CXCL1: variants seen among roughly 807,000 people sequenced by gnomAD.
CXCL1 encodes the protein growth-regulated alpha protein.
A neutral mutation model predicts 11.7 loss-of-function variants in CXCL1; 9 were observed. The observed-to-expected ratio is 0.77, with a 90% CI of 0.46 to 1.34. CXCL1 has a LOEUF of 1.34. Among genes scored for constraint, CXCL1 ranks in the 40% most tolerant of loss-of-function variants. The pLI is 0.00. For synonymous variants in CXCL1, 78 were observed against 59.1 expected, an observed-to-expected ratio of 1.32 and a Z score of -1.47; for missense variants, 146 against 138.1, an observed-to-expected ratio of 1.06 and a Z score of -0.29.
Position 73,869,772 on chromosome 4 carries a change from C to G in CXCL1, c.204C>G (p.His68Gln). The G allele has an allele frequency of 6.2e-7, 1 of 1,614,086 alleles. No homozygotes were observed. Among genetic ancestry groups the G allele is most frequent in the East Asian group, 2.2e-5 (1 of 44,868 alleles). The change falls in exon 2 of 4, where the codon CAC (histidine) becomes CAG (glutamine). Residue 68 changes from histidine to glutamine, a missense_variant. Transcript: ENST00000395761. ...QSVNVKSPGP[H>Q]CAQTEVIATL... ...TGAACGTGAAGTCCCCCGGACCCCACTGCGCCCAAACCGAAGTCATGTAAG... is the reference window on the plus strand; with the variant it reads ...TGAACGTGAAGTCCCCCGGACCCCAGTGCGCCCAAACCGAAGTCATGTAAG...
At position 73,871,097 on chromosome 4, in the gene CXCL1, A is replaced by C. The variant is rs1217152898; in HGVS notation, c.*561A>C. The C allele has an allele frequency of 6.5e-6, 1 of 153,262 alleles. No homozygotes were observed. The highest frequency in any genetic ancestry group is 1.5e-5 in the Non-Finnish European group (1 of 68,710). The allele number at this position is 153,262 out of a possible 1,614,324, so 9.5% of individuals were successfully genotyped here. ...AAACTTTAAGAACTAAAATGTTCTA[A>C]ATATCCCTTGGACATTTTATGTCTT... On this transcript the variant is annotated 3_prime_UTR_variant, in exon 4 of 4. Transcript: ENST00000395761.
In CXCL1 at chr4:73,869,761, C is replaced by G; in HGVS notation, c.193C>G (p.Pro65Ala). 6.2e-7 allele frequency: 1 copy of G among 1,614,052 alleles called. No homozygotes were observed. The highest frequency in any genetic ancestry group is 1.1e-5 in the South Asian group (1 of 91,088). Reference protein sequence around the residue: ...KNIQSVNVKSPGPHCAQTEVI... With the variant: ...KNIQSVNVKSAGPHCAQTEVI... ...CATCCAAAGTGTGAACGTGAAGTCC[C>G]CCGGACCCCACTGCGCCCAAACCGA... The change falls in exon 2 of 4, where the codon CCC becomes GCC. Residue 65 changes from proline (P) to alanine (A), a missense_variant. Physicochemically the swap from Pro to Ala is conservative, Grantham distance 27. Coordinates refer to ENST00000395761, the MANE Select transcript of CXCL1 (RefSeq NM_001511.4).
rs201293315 is a variant in CXCL1 at position 73,869,751 on chromosome 4, C to T, written c.183C>T (p.Asn61=). 3 of 1,614,118 alleles carry T rather than the reference C, an allele frequency of 1.9e-6. No individual in the cohort carries two copies. Among genetic ancestry groups the T allele is most frequent in the South Asian group, 2.2e-5 (2 of 91,082 alleles). The change falls in exon 2 of 4, where the codon AAC becomes AAT. Residue 61 remains asparagine (N), a synonymous_variant. Coordinates refer to ENST00000395761, the MANE Select transcript of CXCL1 (RefSeq NM_001511.4). ...ACCCCAAGAACATCCAAAGTGTGAA[C>T]GTGAAGTCCCCCGGACCCCACTGCG... ...GIHPKNIQSV[N]VKSPGPHCAQ... is the part of the protein sequence containing the mutation.
rs1407310554 is a variant in CXCL1, at chr4:73,869,463, T to C, written c.-8T>C. On this transcript the variant is annotated 5_prime_UTR_variant, in exon 1 of 4. Transcript: ENST00000395761. Reference sequence around the variant, plus strand: ...TCTCACAGCCGCCAGACCCGCCTGCTGAGCCCCATGGCCCGCGCTGCTCTC... The same window carrying C: ...TCTCACAGCCGCCAGACCCGCCTGCCGAGCCCCATGGCCCGCGCTGCTCTC... The C allele has an allele frequency of 1.9e-6, 3 of 1,553,986 alleles. No homozygotes were observed. Among genetic ancestry groups the C allele is most frequent in the Non-Finnish European group, 2.6e-6 (3 of 1,151,220 alleles).
chr4:73,870,103 A>C, intron 3 of CXCL1, 114 bp downstream of exon 3: 1 of 1,001,826 alleles, frequency 1.0e-6, no homozygotes, highest in South Asian at 1.5e-5. Flanking sequence ...AGGACTAGAA[A>C]TTGGGATTAT....
In CXCL1 at chr4:73,870,693, TATTC is replaced by T; in HGVS notation, c.*161_*164del. ...AGGAGAAGTCTTCTATTTATTTATT[TATTC>T]ATTAGTTTTGAAGATTCTATGTTAA... On this transcript the variant is annotated 3_prime_UTR_variant, in exon 4 of 4. Transcript: ENST00000395761. 1 of 769,526 alleles carries T rather than the reference TATTC, an allele frequency of 1.3e-6. No homozygotes were observed. Among genetic ancestry groups the T allele is most frequent in the Non-Finnish European group, 2.0e-6 (1 of 490,250 alleles). The allele number at this position is 769,526 out of a possible 1,614,324, so 47.7% of individuals were successfully genotyped here. A position where few individuals can be genotyped will look rare whatever the true frequency, so the allele number is the denominator to read the frequency against.
intron 1 of CXCL1, 46 bp from the exon 2 acceptor site, chr4:73,869,623 C>T (rs755555071): frequency 1.7e-5 from 27 of 1,613,594 alleles, no homozygotes; most frequent in Non-Finnish European, 2.3e-5. Flanking sequence ...GGGTAGGCAC[C>T]CAGCGCCGAC....
At position 73,869,658 on chromosome 4, in the gene CXCL1, T is replaced by C; in HGVS notation, c.101-11T>C. On this transcript the variant is annotated splice_polypyrimidine_tract_variant and intron_variant, in intron 1 of 3. Transcript: ENST00000395761. ...CAGCCTCGCTCAGTCAGTGAGTCTC[T>C]TCTTCCCTAGGAGCGTCCGTGGCCA... 1 of 1,614,128 alleles carries C rather than the reference T, an allele frequency of 6.2e-7. No homozygotes were observed. The highest frequency in any genetic ancestry group is 8.5e-7 in the Non-Finnish European group (1 of 1,180,000).
Position 73,869,783 on chromosome 4 carries a change from C to G in CXCL1, c.215C>G (p.Thr72Ser). ...VKSPGPHCAQTEVIATLKNGR... is the reference protein window; with the variant it reads ...VKSPGPHCAQSEVIATLKNGR... The stretch of plus-strand genomic sequence containing the variant: ...TCCCCCGGACCCCACTGCGCCCAAA[C>G]CGAAGTCATGTAAGTCCCGCCCCGC... The change falls in exon 2 of 4, where the codon ACC (threonine) becomes AGC (serine). Residue 72 changes from threonine (T) to serine (S), a missense_variant. Thr to Ser is a moderately conservative substitution (Grantham distance 58). Coordinates refer to ENST00000395761, the MANE Select transcript of CXCL1 (RefSeq NM_001511.4). 1 of 1,614,050 alleles carries G rather than the reference C, an allele frequency of 6.2e-7. No homozygotes were observed. The highest frequency in any genetic ancestry group is 8.5e-7 in the Non-Finnish European group (1 of 1,179,940).
At chr4:73,869,592 T>A in intron 1 of CXCL1, 22 bp downstream of exon 1, 1 of 1,612,398 alleles carries the variant, frequency 6.2e-7, no homozygotes, top group Non-Finnish European at 8.5e-7. Flanking sequence ...CGCCCTGGGG[T>A]CCCCGGGCCG....
intron 3 of CXCL1, 60 bp downstream of exon 3, chr4:73,870,049 G>A (rs1270205918): frequency 2.0e-6 from 3 of 1,517,492 alleles, no homozygotes; most frequent in Non-Finnish European, 2.7e-6. Context: ...ATACTGGCAT[G>A]TGCCCCCTAA....
chr4:73,870,077 C>G (rs528161039), intron 3 of CXCL1, 88 bp downstream of exon 3: 8 of 1,328,406 alleles, frequency 6.0e-6, no homozygotes, highest in Non-Finnish European at 8.5e-6. Flanking sequence ...ATCAGGAAAA[C>G]CCAGGGGTTA....
rs1319189909 is a variant in CXCL1, at chr4:73,871,078, T to C, written c.*542T>C. The stretch of plus-strand genomic sequence containing the variant: ...GTCAACATTTCTCATGTTGAAACTT[T>C]AAGAACTAAAATGTTCTAAATATCC... On this transcript the variant is annotated 3_prime_UTR_variant, in exon 4 of 4. Transcript: ENST00000395761. 1 of 153,538 alleles carries C rather than the reference T, an allele frequency of 6.5e-6. No individual in the cohort carries two copies. Among genetic ancestry groups the C allele is most frequent in the East Asian group, 1.9e-4 (1 of 5,216 alleles). 9.5% of individuals were successfully genotyped at this position (153,538 alleles called of 1,614,324 possible).
chr4:73,869,635 G>T (rs1578147747), intron 1 of CXCL1, 34 bp from the exon 2 acceptor site: 2 of 1,613,954 alleles, frequency 1.2e-6, no homozygotes, highest in Middle Eastern at 1.7e-4. Context: ...AGCGCCGACA[G>T]CCTCGCTCAG....
rs201063147 is a variant in CXCL1, at chr4:73,869,500, C to T, written c.30C>T (p.Pro10=). ...CCCGCGCTGCTCTCTCCGCCGCCCC[C>T]AGCAATCCCCGGCTCCTGCGAGTGG... The part of the protein sequence containing the change: MARAALSAA[P]SNPRLLRVAL... The change falls in exon 1 of 4, where the codon CCC becomes CCT. Residue 10 remains proline (P), a synonymous_variant. Coordinates refer to ENST00000395761, the MANE Select transcript of CXCL1 (RefSeq NM_001511.4). The T allele has an allele frequency of 9.5e-5, 150 of 1,586,662 alleles. No individual in the cohort carries two copies. Among genetic ancestry groups the T allele is most frequent in the Non-Finnish European group, 1.0e-4 (122 of 1,167,038 alleles).
chr4:73,869,541 TC>T lies in CXCL1; in HGVS notation c.73del (p.Leu25TrpfsTer2). 6.2e-7 allele frequency: 1 copy of T among 1,608,066 alleles called. No individual in the cohort carries two copies. Among genetic ancestry groups the T allele is most frequent in the Admixed American group, 1.7e-5 (1 of 59,014 alleles). On this transcript the variant is annotated frameshift_variant, in exon 1 of 4. Coordinates refer to ENST00000395761, the MANE Select transcript of CXCL1 (RefSeq NM_001511.4). LOFTEE classifies it high-confidence loss of function. ...RLLRVALLLL[L>X]LVAAGRRAAG... ...CTGCGAGTGGCACTGCTGCTCCTGC[TC>T]CTGGTAGCCGCTGGCCGGCGCGCAG...
chr4:73,869,655 C>G lies in CXCL1; in HGVS notation c.101-14C>G. 6.2e-7 allele frequency: 1 copy of G among 1,614,148 alleles called. No individual in the cohort carries two copies. The highest frequency in any genetic ancestry group is 8.5e-7 in the Non-Finnish European group (1 of 1,180,010). On this transcript the variant is annotated splice_polypyrimidine_tract_variant and intron_variant, in intron 1 of 3. Transcript: ENST00000395761. Reference sequence around the variant, plus strand: ...CGACAGCCTCGCTCAGTCAGTGAGTCTCTTCTTCCCTAGGAGCGTCCGTGG... The same window carrying G: ...CGACAGCCTCGCTCAGTCAGTGAGTGTCTTCTTCCCTAGGAGCGTCCGTGG...
rs930113 is a variant in CXCL1 at position 73,870,184 on chromosome 4, C to A, written c.308+195C>A. On this transcript the variant is annotated intron_variant, in intron 3 of 3. Transcript: ENST00000395761. ...GCCAGAGGATATTCCCAATGCCTGG[C>A]GTCCCCACCCTGGTTCTTCCTTCGT... The A allele has an allele frequency of 0.02, 13,073 of 660,750 alleles. 1,144 individuals are homozygous for A. In the African/African-American group the frequency reaches 0.21, roughly 10 times the overall value. 40.9% of individuals were successfully genotyped at this position (660,750 alleles called of 1,614,324 possible).
chr4:73,870,172 C>G lies in CXCL1; in HGVS notation c.308+183C>G. On this transcript the variant is annotated intron_variant, in intron 3 of 3. Coordinates refer to ENST00000395761, the MANE Select transcript of CXCL1 (RefSeq NM_001511.4). ...TACTGCTCTGGTGCCAGAGGATATT[C>G]CCAATGCCTGGCGTCCCCACCCTGG... 4 of 700,188 alleles carry G rather than the reference C, an allele frequency of 5.7e-6. No individual in the cohort carries two copies. The East Asian group carries it at 8.2e-5, about 14-fold the overall frequency. 43.4% of individuals were successfully genotyped at this position (700,188 alleles called of 1,614,324 possible).
Sources: gnomAD v4.1 joint callset for allele counts on GRCh38, gnomAD v4.1.1 for gene constraint, MANE v1.5 for transcripts, NCBI Gene and HGNC (gene_info 2026-07-23, HGNC 2026-07-21) for gene names.